The following C4orf50 variants were observed in gnomAD, a reference collection of about 807,000 sequenced individuals.
C4orf50 encodes chromosome 4 open reading frame 50.
C4orf50 carries 80 observed loss-of-function variants against 77.2 expected under a neutral mutation model. The observed-to-expected ratio is 1.04, with a 90% confidence interval of 0.87 to 1.25. C4orf50 has a LOEUF of 1.25. C4orf50 is among the 50% of genes most tolerant of loss of function. The pLI is 0.00. For missense variants in C4orf50, 1,257 were observed against 1,152.9 expected (o/e 1.09, Z -1.31); for synonymous variants, 532 against 465.3 (o/e 1.14, Z -1.84).
At chr4:5,955,462 C>T (rs1239218446), downstream of C4orf50, among the ~76,000 whole-genome samples, 2 of 152,176 alleles carry the variant, frequency 1.3e-5, no homozygotes, top group Non-Finnish European at 2.9e-5. The surrounding 1 kb of genome is among the most constrained non-coding windows in gnomAD (Gnocchi z 5.1). Flanking sequence ...CACGTGATAC[C>T]TTTCAAGGCT....
chr4:6,003,740 TA>T (rs1721964341), intron 25 of C4orf50, among the ~76,000 whole-genome samples: 1 of 65,234 alleles, frequency 1.5e-5, no homozygotes, highest in Non-Finnish European at 2.9e-5. Context: ...ATGGTGATGA[TA>T]GTGGTGATGG....
In C4orf50 at chr4:6,009,888, G is replaced by A. The variant is rs892649344; in HGVS notation, c.427-1356C>T. Among the ~76,000 whole-genome samples, 2 of 152,176 alleles carry A rather than the reference G, an allele frequency of 1.3e-5. No homozygotes were observed. The highest frequency in any genetic ancestry group is 6.5e-5 in the Admixed American group (1 of 15,270). On this transcript the variant is annotated intron_variant, in intron 24 of 33. Coordinates refer to ENST00000531445, the Ensembl canonical transcript of C4orf50. This position sits in a 1 kb window ranked among gnomAD's most constrained non-coding sequence, Gnocchi z 5.6. Reference sequence around the variant, plus strand: ...TTCCCTATCACTTTGAACATCTGCCGCCTGTCTGGAAATGGGGTTTTGTGA... The same window carrying A: ...TTCCCTATCACTTTGAACATCTGCCACCTGTCTGGAAATGGGGTTTTGTGA...
downstream of C4orf50, among the ~76,000 whole-genome samples, chr4:5,955,965 T>G (rs1453047067): frequency 6.6e-6 from 1 of 151,764 alleles, no homozygotes; most frequent in Non-Finnish European, 1.5e-5. The surrounding 1 kb of genome is among the most constrained non-coding windows in gnomAD (Gnocchi z 5.1). Context: ...GGGCGAGGAG[T>G]GGAGTTTGGC....
intron 33 of C4orf50, among the ~76,000 whole-genome samples, chr4:5,960,275 G>T (rs1719200806): frequency 6.6e-6 from 1 of 152,060 alleles, no homozygotes; most frequent in Non-Finnish European, 1.5e-5. Flanking sequence ...ATCCCTTCAC[G>T]ACCAACATCT....
In C4orf50 at chr4:5,916,994, G is replaced by A. The variant is rs1717055323; in HGVS notation, c.*2475-18806C>T. Among the ~76,000 whole-genome samples the A allele has an allele frequency of 1.3e-5, 2 of 152,296 alleles. No individual in the cohort carries two copies. Among genetic ancestry groups the A allele is most frequent in the Non-Finnish European group, 2.9e-5 (2 of 68,016 alleles). On this transcript the variant is annotated intron_variant, in intron 7 of 7. Transcript: ENST00000324058. The surrounding 1 kb of genome is among the most constrained non-coding windows in gnomAD (Gnocchi z 4.4). ...TAGAAGTTGGAAGTTTCCCTGGTTC[G>A]ACACCAAATTAGCCAAACCTAAGTA...
In C4orf50 at chr4:5,916,814, G is replaced by A. The variant is rs1307631701; in HGVS notation, c.*2475-18626C>T. Among the ~76,000 whole-genome samples the A allele has an allele frequency of 6.6e-6, 1 of 152,136 alleles. No individual in the cohort carries two copies. The highest frequency in any genetic ancestry group is 2.4e-5 in the African/African-American group (1 of 41,424). On this transcript the variant is annotated intron_variant, in intron 7 of 7. Coordinates refer to the C4orf50 transcript ENST00000324058. The surrounding 1 kb of genome is among the most constrained non-coding windows in gnomAD (Gnocchi z 4.4). ...TCGCAGATCTTCTGCTTAGAGGACA[G>A]GAGCCTCTGCTTGAGGTGGGCACAA...
At chr4:5,991,400 TGCAGGTG>T (rs1320953003) in intron 27 of C4orf50, among the ~76,000 whole-genome samples, 21 of 152,200 alleles carry the variant, frequency 1.4e-4, no homozygotes, top group Non-Finnish European at 5.9e-5. Context: ...ATGGGGCTGG[TGCAGGTG>T]GTCCACTCCC....
intron 7 of C4orf50, among the ~76,000 whole-genome samples, chr4:5,948,660 T>C (rs895161137): frequency 1.3e-5 from 2 of 152,030 alleles, no homozygotes; most frequent in African/African-American, 2.4e-5. Context: ...CCGGGTGTGG[T>C]GCCATGCACC....
At position 5,992,531 on chromosome 4, in the gene C4orf50, G is replaced by A. The variant is rs1176334435; in HGVS notation, c.1221+272C>T. ...CAGAGGTGGCAGCAACACCTCGTGG[G>A]TGTCAGGAGGTGTCAACGAGATGAA... On this transcript the variant is annotated intron_variant, in intron 27 of 33. Coordinates refer to ENST00000531445, the Ensembl canonical transcript of C4orf50. This position sits in a 1 kb window ranked among gnomAD's most constrained non-coding sequence, Gnocchi z 5.0. Among the ~76,000 whole-genome samples, 1 of 152,108 alleles carries A rather than the reference G, an allele frequency of 6.6e-6. No individual in the cohort carries two copies. The highest frequency in any genetic ancestry group is 1.5e-5 in the Non-Finnish European group (1 of 68,010).
At chr4:5,988,185 T>C (rs1720984319) in intron 28 of C4orf50, among the ~76,000 whole-genome samples, 162 bp downstream of exon 6, 1 of 152,244 alleles carries the variant, frequency 6.6e-6, no homozygotes, top group African/African-American at 2.4e-5. Flanking sequence ...CTGCAGTGAC[T>C]GCATTTCTCT....
chr4:5,962,628 G>T (rs1470982680), intron 33 of C4orf50, among the ~76,000 whole-genome samples: 2 of 152,202 alleles, frequency 1.3e-5, no homozygotes, highest in African/African-American at 4.8e-5. Context: ...TGATCAGAGG[G>T]CCAGCTCCGG....
At chr4:5,910,947 C>A (rs1464457714) in intron 7 of C4orf50, among the ~76,000 whole-genome samples, 2 of 142,438 alleles carry the variant, frequency 1.4e-5, no homozygotes, top group African/African-American at 5.1e-5. Flanking sequence ...TCTCTGTCGC[C>A]CAGGCTGGAG....
intron 28 of C4orf50, among the ~76,000 whole-genome samples, chr4:5,987,537 G>T (rs1254508731): frequency 1.3e-5 from 2 of 151,128 alleles, no homozygotes; most frequent in Admixed American, 1.3e-4. Flanking sequence ...TGATAACATT[G>T]TTGGGGGTGG....
exon 28 of C4orf50, chr4:5,988,931 C>G: frequency 2.0e-6 from 3 of 1,536,100 alleles, no homozygotes; most frequent in Non-Finnish European, 2.6e-6. Context: ...GATTTCCTGA[C>G]ACTCTCAGAC....
intron 7 of C4orf50, among the ~76,000 whole-genome samples, chr4:5,947,780 G>A (rs114977602): frequency 0.013 from 2,047 of 152,298 alleles, 25 homozygotes; most frequent in African/African-American, 0.033. Flanking sequence ...CCAGGATACC[G>A]GCTGGATCGT....
intron 7 of C4orf50, among the ~76,000 whole-genome samples, chr4:5,927,214 G>A (rs1337221892): frequency 3.3e-5 from 5 of 152,062 alleles, no homozygotes; most frequent in African/African-American, 1.2e-4. Context: ...GTGGAATCAG[G>A]GCTCAGAAGC....
chr4:5,930,132 A>G (rs1441649506), intron 7 of C4orf50, among the ~76,000 whole-genome samples: 1 of 152,174 alleles, frequency 6.6e-6, no homozygotes, highest in Non-Finnish European at 1.5e-5. Context: ...GTGGGTGTGC[A>G]GCACTGAGAA....
At chr4:5,921,474 C>T (rs1227281981) in intron 7 of C4orf50, among the ~76,000 whole-genome samples, 3 of 152,142 alleles carry the variant, frequency 2.0e-5, no homozygotes, top group African/African-American at 4.8e-5. Flanking sequence ...GGATGAATGC[C>T]GTGAGACAGT....
At chr4:5,996,043 GTCAGCACGAA>G (rs1446225471) in intron 25 of C4orf50, among the ~76,000 whole-genome samples, 1 of 152,218 alleles carries the variant, frequency 6.6e-6, no homozygotes, top group Non-Finnish European at 1.5e-5. Flanking sequence ...TGGCTACAGG[GTCAGCACGAA>G]TGCTGAAATT....
Sources: gnomAD v4.1 joint callset for allele counts (sites outside exome capture counted in the v4.1 genomes callset) on GRCh38, gnomAD v4.1.1 for gene constraint, Gnocchi (gnomAD v3.1) non-coding constraint, MANE v1.5 for transcripts, NCBI Gene and HGNC (gene_info 2026-07-23, HGNC 2026-07-21) for gene names.